DYNC2H1: variants seen among roughly 807,000 people sequenced by gnomAD.
The protein encoded by DYNC2H1 is dynein cytoplasmic 2 heavy chain 1.
Under a neutral mutation model 570.0 loss-of-function variants are expected in DYNC2H1, and 410 were observed. The observed-to-expected ratio is 0.72, with a 90% CI of 0.66 to 0.78. The LOEUF is 0.78. DYNC2H1 is among the 30% of genes least tolerant of loss of function. The pLI is 0.00. For synonymous variants in DYNC2H1, 1,688 were observed against 1,677.6 expected (o/e 1.01, Z -0.15); for missense variants, 4,865 against 5,046.4 (o/e 0.96, Z 1.09).
At chr11:103,202,950 G>T (rs1862782589) in intron 50 of DYNC2H1, among the ~76,000 whole-genome samples, 1 of 151,986 alleles carries the variant, frequency 6.6e-6, no homozygotes, top group South Asian at 2.1e-4. Context: ...TCATCATCAT[G>T]ATTTGGCCTG....
At chr11:103,403,566 G>A (rs1156799715) in intron 84 of DYNC2H1, 5 of 152,194 alleles carry the variant, frequency 3.3e-5, no homozygotes, top group Admixed American at 2.6e-4. Flanking sequence ...GTATAAAACC[G>A]TGGTTAGACC....
Position 103,201,432 on chromosome 11 carries a change from A to G in DYNC2H1, c.8197+1278A>G, listed in dbSNP as rs892330952. 6.6e-6 allele frequency among the ~76,000 whole-genome samples: 1 copy of G among 152,152 alleles called. No individual in the cohort carries two copies. On this transcript the variant is annotated intron_variant, in intron 50 of 88. Coordinates refer to ENST00000375735, the MANE Select transcript of DYNC2H1 (RefSeq NM_001377.3). The surrounding 1 kb of genome is among the most constrained non-coding windows in gnomAD (Gnocchi z 4.8). The stretch of plus-strand genomic sequence containing the variant: ...TGAGATATAACATGAAGCACTGTCC[A>G]TTTATATTCCTCAGCATTTCTCACC...
chr11:103,396,878 A>G (rs192115318), intron 83 of DYNC2H1, among the ~76,000 whole-genome samples: 1 of 152,332 alleles, frequency 6.6e-6, no homozygotes, highest in East Asian at 1.9e-4. Flanking sequence ...CTCAGAAACA[A>G]AGTCAAATAC....
intron 75 of DYNC2H1, 158 bp downstream of exon 75, chr11:103,287,763 A>G: frequency 1.5e-6 from 1 of 683,450 alleles, no homozygotes; most frequent in Non-Finnish European, 2.3e-6. Context: ...TTAGAAAAAT[A>G]ATTCTCGGCT....
chr11:103,132,021 TGTTTTTCTCA>T (rs1240036719), intron 13 of DYNC2H1, among the ~76,000 whole-genome samples: 21 of 152,128 alleles, frequency 1.4e-4, no homozygotes, highest in Admixed American at 1.4e-3. Flanking sequence ...TTGAATTTAT[TGTTTTTCTCA>T]GTTTTTCTCT....
At chr11:103,135,357 T>C (rs1016849716) in intron 15 of DYNC2H1, 138 bp from the exon 16 acceptor site, 1 of 672,436 alleles carries the variant, frequency 1.5e-6, no homozygotes. Context: ...AACAAGGATG[T>C]ACCAGTTTTA....
intron 88 of DYNC2H1, among the ~76,000 whole-genome samples, chr11:103,476,284 T>C (rs1053461970): frequency 2.0e-5 from 3 of 152,190 alleles, no homozygotes; most frequent in Non-Finnish European, 4.4e-5. Flanking sequence ...GGATTTACTC[T>C]CTCCATGAAT....
chr11:103,383,027 A>C (rs186888632), intron 83 of DYNC2H1, among the ~76,000 whole-genome samples: 4 of 152,274 alleles, frequency 2.6e-5, no homozygotes. Flanking sequence ...CTGAATGTAG[A>C]ATTGGAGAAA....
At chr11:103,383,621 C>A (rs1476904040) in intron 83 of DYNC2H1, among the ~76,000 whole-genome samples, 1 of 150,840 alleles carries the variant, frequency 6.6e-6, no homozygotes, top group Non-Finnish European at 1.5e-5. Flanking sequence ...CCACAGGTAC[C>A]CACCACCACG....
At chr11:103,210,960 A>T (rs1271999695) in intron 53 of DYNC2H1, among the ~76,000 whole-genome samples, 6 of 152,082 alleles carry the variant, frequency 3.9e-5, no homozygotes, top group African/African-American at 1.4e-4. Context: ...AGAAACAAAT[A>T]TCTTTATATA....
intron 85 of DYNC2H1, among the ~76,000 whole-genome samples, chr11:103,454,168 G>A (rs2135803003): frequency 6.6e-6 from 1 of 152,170 alleles, no homozygotes; most frequent in African/African-American, 2.4e-5. Flanking sequence ...ATAATAGGGT[G>A]TTACAGTACA....
At position 103,243,634 on chromosome 11, in the gene DYNC2H1, C is replaced by T. The variant is rs1864501378; in HGVS notation, c.9820-59C>T. On this transcript the variant is annotated intron_variant, in intron 63 of 88. Coordinates refer to ENST00000375735, the MANE Select transcript of DYNC2H1 (RefSeq NM_001377.3). The surrounding 1 kb of genome is among the most constrained non-coding windows in gnomAD (Gnocchi z 4.8). The stretch of plus-strand genomic sequence containing the variant: ...TTTATAATTTCTAGAAAACTATTTC[C>T]ATTTAAATGAAAGCTTATAATCATT... 1.6e-6 allele frequency: 2 copies of T among 1,237,536 alleles called. No individual in the cohort carries two copies. The highest frequency in any genetic ancestry group is 2.3e-6 in the Non-Finnish European group (2 of 887,718). The allele number at this position is 1,237,536 out of a possible 1,614,324, so 76.7% of individuals were successfully genotyped here.
At position 103,173,002 on chromosome 11, in the gene DYNC2H1, A is replaced by C. The variant is rs189835165; in HGVS notation, c.5335-80A>C. The C allele has an allele frequency of 2.7e-4, 202 of 738,576 alleles. No homozygotes were observed. The East Asian group carries it at 9.1e-3, about 33-fold the overall frequency. The allele number at this position is 738,576 out of a possible 1,614,324, so 45.8% of individuals were successfully genotyped here. On this transcript the variant is annotated intron_variant, in intron 34 of 88. Coordinates refer to ENST00000375735, the MANE Select transcript of DYNC2H1 (RefSeq NM_001377.3). ...CAGCATATTTTATGTTTATAGTTTC[A>C]AATATAAACGATGCCTATATGTTAA...
intron 88 of DYNC2H1, among the ~76,000 whole-genome samples, chr11:103,478,439 T>C (rs991069029): frequency 3.9e-5 from 6 of 152,160 alleles, no homozygotes; most frequent in African/African-American, 1.4e-4. Flanking sequence ...ACCAGACATA[T>C]GCTGCTTGAT....
intron 88 of DYNC2H1, 126 bp from the exon 89 acceptor site, chr11:103,478,969 G>A: frequency 1.9e-6 from 2 of 1,079,360 alleles, no homozygotes; most frequent in South Asian, 1.8e-5. Context: ...GGGATGATAG[G>A]GGTTCATCAT....
At chr11:103,298,162 A>G (rs1231521573) in intron 75 of DYNC2H1, among the ~76,000 whole-genome samples, 1 of 152,104 alleles carries the variant, frequency 6.6e-6, no homozygotes, top group African/African-American at 2.4e-5. Context: ...CTTATCTCCT[A>G]ACCACTCTTG....
chr11:103,122,636 C>T (rs566590096), intron 10 of DYNC2H1, among the ~76,000 whole-genome samples, 189 bp from the exon 11 acceptor site: 12 of 152,234 alleles, frequency 7.9e-5, no homozygotes, highest in South Asian at 4.2e-4. Flanking sequence ...TGCTCTTCTG[C>T]GGCTGTATAA....
In DYNC2H1 at chr11:103,199,578, A is replaced by G; in HGVS notation, c.8088+102A>G. The stretch of plus-strand genomic sequence containing the variant: ...AAAGGTTTAAAGAACTAAAGTTTTA[A>G]AGAACATCTTTAAAGAACTAAAGTT... On this transcript the variant is annotated intron_variant, in intron 49 of 88. Coordinates refer to ENST00000375735, the MANE Select transcript of DYNC2H1 (RefSeq NM_001377.3). This position sits in a 1 kb window ranked among gnomAD's most constrained non-coding sequence, Gnocchi z 4.6. 8.5e-7 allele frequency: 1 copy of G among 1,175,224 alleles called. No individual in the cohort carries two copies. The highest frequency in any genetic ancestry group is 1.1e-6 in the Non-Finnish European group (1 of 896,132). The allele number at this position is 1,175,224 out of a possible 1,614,324, so 72.8% of individuals were successfully genotyped here. A position where few individuals can be genotyped will look rare whatever the true frequency, so the allele number is the denominator to read the frequency against.
chr11:103,426,592 CTA>C (rs1410984706), intron 84 of DYNC2H1, among the ~76,000 whole-genome samples: 2 of 152,018 alleles, frequency 1.3e-5, no homozygotes, highest in Non-Finnish European at 2.9e-5. Context: ...TACTGAACAT[CTA>C]TGTTAGCTTG....
Sources: gnomAD v4.1 joint callset for allele counts (sites outside exome capture counted in the v4.1 genomes callset) on GRCh38, gnomAD v4.1.1 for gene constraint, Gnocchi (gnomAD v3.1) non-coding constraint, MANE v1.5 for transcripts, NCBI Gene and HGNC (gene_info 2026-07-23, HGNC 2026-07-21) for gene names.